NCKAP5: variants seen among roughly 807,000 people sequenced by gnomAD.
NCKAP5 encodes nck-associated protein 5.
A neutral mutation model predicts 167.0 loss-of-function variants in NCKAP5; 92 were observed. The ratio of observed to expected loss-of-function variants is 0.55; its 90% CI spans 0.47 to 0.66. The LOEUF is 0.66. Ranked by LOEUF, NCKAP5 falls within the 30% of genes least tolerant of loss-of-function variation. The pLI, the probability that NCKAP5 is intolerant of heterozygous loss-of-function variation, is 0.00. For synonymous variants in NCKAP5, 891 were observed against 877.4 expected (o/e 1.02, Z -0.27); for missense variants, 2,378 against 2,315.0 (o/e 1.03, Z -0.56).
intron 7 of NCKAP5, among the ~76,000 whole-genome samples, chr2:132,985,378 T>G (rs911743547): frequency 6.6e-6 from 1 of 152,196 alleles, no homozygotes; most frequent in African/African-American, 2.4e-5. Flanking sequence ...TTTCAAAGTA[T>G]TTAACATGAC....
At chr2:133,391,958 C>T (rs1054503148) in intron 3 of NCKAP5, among the ~76,000 whole-genome samples, 2 of 152,198 alleles carry the variant, frequency 1.3e-5, no homozygotes, top group Non-Finnish European at 2.9e-5. Flanking sequence ...GGGGTTACAA[C>T]GTCCCTTTGC....
chr2:133,664,910 T>C, the NCKAP5 span, among the ~76,000 whole-genome samples: 1 of 152,258 alleles, frequency 6.6e-6, no homozygotes, highest in Non-Finnish European at 1.5e-5. Context: ...TTTTATGTTA[T>C]AGGGATAGCT....
At chr2:133,086,411 G>A (rs1395225714) in intron 6 of NCKAP5, among the ~76,000 whole-genome samples, 1 of 152,176 alleles carries the variant, frequency 6.6e-6, no homozygotes, top group Non-Finnish European at 1.5e-5. Flanking sequence ...AACGAGGTAG[G>A]AGGATCACTT....
intron 6 of NCKAP5, among the ~76,000 whole-genome samples, chr2:132,994,798 T>C (rs909186236): frequency 1.1e-4 from 17 of 152,306 alleles, no homozygotes; most frequent in African/African-American, 3.8e-4. Context: ...GCAAACAGCA[T>C]AGAGTGTACT....
intron 3 of NCKAP5, among the ~76,000 whole-genome samples, chr2:133,310,810 A>T (rs1489175649): frequency 6.6e-6 from 1 of 152,196 alleles, no homozygotes; most frequent in East Asian, 1.9e-4. Flanking sequence ...CTCATGAGAG[A>T]ATCTGAGATT....
intron 6 of NCKAP5, among the ~76,000 whole-genome samples, chr2:133,129,111 A>G (rs1336437679): frequency 7.3e-6 from 1 of 137,570 alleles, no homozygotes; most frequent in Non-Finnish European, 1.6e-5. Flanking sequence ...TTTTATTATT[A>G]TACTTTAAGT....
chr2:133,344,201 C>T lies in NCKAP5; in HGVS notation c.70-41091G>A, dbSNP rs187668954. Among the ~76,000 whole-genome samples, 1,068 of 152,036 alleles carry T rather than the reference C, an allele frequency of 7.0e-3. 15 individuals carry two copies. Among genetic ancestry groups the T allele is most frequent in the African/African-American group, 0.023 (937 of 41,476 alleles). ...GGTGGGTGGAATGCTTGAGGTCAGG[C>T]ATTCGAGACCAGCCTGACCAACATG... On this transcript the variant is annotated intron_variant, in intron 3 of 19. Transcript: ENST00000409261.
At chr2:132,850,409 G>T (rs1688985928) in intron 11 of NCKAP5, among the ~76,000 whole-genome samples, 1 of 152,124 alleles carries the variant, frequency 6.6e-6, no homozygotes, top group African/African-American at 2.4e-5. Context: ...TAAGCGGGCA[G>T]TGGGTAATTT....
chr2:133,545,533 C>T (rs569814493), intron 2 of NCKAP5, among the ~76,000 whole-genome samples: 7 of 152,036 alleles, frequency 4.6e-5, no homozygotes, highest in Non-Finnish European at 1.0e-4. Flanking sequence ...GATAGGCTGC[C>T]TATCTGCCTG....
intron 5 of NCKAP5, among the ~76,000 whole-genome samples, chr2:133,141,975 T>C (rs1296367472): frequency 6.6e-6 from 1 of 152,192 alleles, no homozygotes; most frequent in East Asian, 1.9e-4. Context: ...TTCAATGCTT[T>C]AGTATTTTAT....
At chr2:133,218,391 T>G (rs2086520858) in intron 4 of NCKAP5, among the ~76,000 whole-genome samples, 1 of 152,178 alleles carries the variant, frequency 6.6e-6, no homozygotes, top group Non-Finnish European at 1.5e-5. Context: ...TTTAATCTGT[T>G]ATGACAGAAC....
intron 3 of NCKAP5, among the ~76,000 whole-genome samples, chr2:133,461,658 C>A (rs1451539786): frequency 6.6e-6 from 1 of 152,158 alleles, no homozygotes; most frequent in Non-Finnish European, 1.5e-5. Context: ...TGTGAAGAGA[C>A]AAGAGGGTGC....
the NCKAP5 span, among the ~76,000 whole-genome samples, chr2:133,621,600 A>C: frequency 3.3e-5 from 5 of 152,070 alleles, no homozygotes; most frequent in African/African-American, 1.2e-4. Flanking sequence ...GAACAGACCA[A>C]GACCAAGACC....
intron 16 of NCKAP5, among the ~76,000 whole-genome samples, chr2:132,765,088 G>A (rs139584254): frequency 3.3e-5 from 5 of 152,194 alleles, no homozygotes; most frequent in South Asian, 2.1e-4. Flanking sequence ...GAACATCTAC[G>A]TAGCTTGTTG....
chr2:133,370,549 T>C (rs958682375), intron 3 of NCKAP5, among the ~76,000 whole-genome samples: 1 of 152,188 alleles, frequency 6.6e-6, no homozygotes, highest in Non-Finnish European at 1.5e-5. Context: ...TTATGCTTAA[T>C]GAGTCTCATC....
At chr2:132,723,687 T>G (rs576755132) in intron 19 of NCKAP5, among the ~76,000 whole-genome samples, 2 of 152,304 alleles carry the variant, frequency 1.3e-5, no homozygotes, top group South Asian at 2.1e-4. Context: ...TTAACAGCCA[T>G]GTGTACAGAC....
chr2:133,482,244 G>C (rs1680518876), intron 3 of NCKAP5, among the ~76,000 whole-genome samples: 4 of 147,894 alleles, frequency 2.7e-5, no homozygotes, highest in Non-Finnish European at 5.9e-5. Flanking sequence ...TTTTTTTTGA[G>C]TCATGCACTG....
intron 3 of NCKAP5, among the ~76,000 whole-genome samples, chr2:133,512,973 T>A (rs1683628660): frequency 6.6e-6 from 1 of 152,164 alleles, no homozygotes; most frequent in Non-Finnish European, 1.5e-5. Context: ...CATGTGATGA[T>A]ATTTTTCCTG....
At chr2:132,925,483 AC>A (rs1695796529) in intron 8 of NCKAP5, among the ~76,000 whole-genome samples, 1 of 150,316 alleles carries the variant, frequency 6.7e-6, no homozygotes, top group Non-Finnish European at 1.5e-5. Context: ...AATGGCGTGA[AC>A]CTGGGAGGCG....
Sources: gnomAD v4.1 joint callset for allele counts (sites outside exome capture counted in the v4.1 genomes callset) on GRCh38, gnomAD v4.1.1 for gene constraint, MANE v1.5 for transcripts, NCBI Gene and HGNC (gene_info 2026-07-23, HGNC 2026-07-21) for gene names.